Variants in MTMR8 observed in about 807,000 individuals in gnomAD.
MTMR8 encodes myotubularin related protein 8.
In MTMR8, 65 loss-of-function variants were observed where a neutral mutation model predicts 39.3. That is an observed-to-expected ratio of 1.65 (90% CI 1.35 to 2.03). The LOEUF (loss-of-function observed/expected upper bound fraction) is 2.03, where lower values mean the gene tolerates loss of function less well. MTMR8 is among the 30% of genes most tolerant of loss of function. MTMR8 has a pLI of 0.00. For synonymous variants in MTMR8, 245 were observed against 185.2 expected (o/e 1.32, Z -2.62); for missense variants, 777 against 538.9 (o/e 1.44, Z -4.37).
Position 64,331,622 on chromosome X carries a change from G to A in MTMR8, c.1287C>T (p.Asp429=), listed in dbSNP as rs1242641943. The change falls in exon 11 of 14, where the codon GAC becomes GAT. Residue 429 remains aspartate (D), a synonymous_variant. Coordinates refer to ENST00000374852, the MANE Select transcript of MTMR8 (RefSeq NM_017677.4). ...FNENFLLEIH[D]HVFSCQFGNF... ...TTCCAAACTGGCAGGAGAAAACATG[G>A]TCATGAATCTCCAGCAGGAAGTTTT... 3 of 1,208,504 alleles carry A rather than the reference G, an allele frequency of 2.5e-6. No individual in the cohort carries two copies. The highest frequency in any genetic ancestry group is 1.8e-5 in the African/African-American group (1 of 57,001).
intron 2 of MTMR8, among the ~76,000 whole-genome samples, chrX:64,358,438 C>T (rs1923684161): frequency 8.9e-6 from 1 of 112,109 alleles, no homozygotes; most frequent in Admixed American, 9.4e-5. Flanking sequence ...ATGTTCCAGG[C>T]ATTGTTGTAA....
intron 11 of MTMR8, among the ~76,000 whole-genome samples, chrX:64,330,289 G>A (rs973759209): frequency 2.7e-5 from 3 of 111,716 alleles, no homozygotes; most frequent in African/African-American, 6.5e-5. Flanking sequence ...AATTTGGGGA[G>A]AAAGTGACAA....
intron 1 of MTMR8, among the ~76,000 whole-genome samples, chrX:64,376,884 G>A (rs1043739583): frequency 3.6e-5 from 4 of 112,112 alleles, no homozygotes; most frequent in Non-Finnish European, 7.5e-5. Flanking sequence ...TCAAGGTTTT[G>A]TGGTCTGGGC....
intron 4 of MTMR8, among the ~76,000 whole-genome samples, chrX:64,353,786 G>A (rs759762046): frequency 6.7e-4 from 74 of 110,216 alleles, no homozygotes; most frequent in African/African-American, 2.5e-3. Context: ...AATTCGCCAG[G>A]CATGGGTGTG....
rs748304874 is a variant in MTMR8, at chrX:64,280,622, CT to C, written c.1482-9550del. On this transcript the variant is annotated intron_variant, in intron 12 of 13. Transcript: ENST00000374852. ...AATGGGCAAAAGCTGGAAGCATTCCCTTTGAATATAGGCACAAGACAAGGAT... is the reference window on the plus strand; with the variant it reads ...AATGGGCAAAAGCTGGAAGCATTCCCTTGAATATAGGCACAAGACAAGGAT... Among the ~76,000 whole-genome samples, 24 of 111,559 alleles carry C rather than the reference CT, an allele frequency of 2.2e-4. No individual in the cohort carries two copies. The East Asian group carries it at 5.1e-3, about 24-fold the overall frequency.
intron 1 of MTMR8, among the ~76,000 whole-genome samples, chrX:64,394,307 G>A (rs1056959501): frequency 3.6e-5 from 4 of 111,814 alleles, no homozygotes; most frequent in Non-Finnish European, 5.6e-5. Flanking sequence ...GGGACACAGA[G>A]AAAAACCCTA....
At chrX:64,331,140 A>C (rs753107738) in intron 11 of MTMR8, among the ~76,000 whole-genome samples, 1 of 111,979 alleles carries the variant, frequency 8.9e-6, no homozygotes, top group South Asian at 3.8e-4. Context: ...GCAACGAATT[A>C]GGAGTTTTAA....
At chrX:64,323,726 A>G (rs143658793) in intron 12 of MTMR8, among the ~76,000 whole-genome samples, 2,075 of 112,287 alleles carry the variant, frequency 0.018, 59 homozygotes, top group African/African-American at 0.065. Context: ...TTTTTACCAC[A>G]ATGGTATAAA....
chrX:64,298,715 T>C (rs1429270157), intron 12 of MTMR8, among the ~76,000 whole-genome samples: 1 of 82,986 alleles, frequency 1.2e-5, no homozygotes, highest in Non-Finnish European at 2.0e-5. Context: ...GGCTGTGGGT[T>C]TGTCATAGAT....
At chrX:64,307,765 G>A (rs1361385517) in intron 12 of MTMR8, among the ~76,000 whole-genome samples, 3 of 111,970 alleles carry the variant, frequency 2.7e-5, no homozygotes, top group African/African-American at 6.5e-5. Context: ...GAAATGTATT[G>A]TAATTGCATA....
intron 12 of MTMR8, among the ~76,000 whole-genome samples, chrX:64,287,168 TAACA>T (rs1431995837): frequency 7.2e-5 from 8 of 110,570 alleles, no homozygotes; most frequent in South Asian, 3.8e-4. Flanking sequence ...TATACACCAA[TAACA>T]AACAAACAGA....
intron 12 of MTMR8, among the ~76,000 whole-genome samples, chrX:64,326,289 G>T (rs908352983): frequency 2.7e-5 from 3 of 110,771 alleles, no homozygotes; most frequent in African/African-American, 6.6e-5. Flanking sequence ...TTGTTTAAGG[G>T]TCCACCATAT....
intron 1 of MTMR8, among the ~76,000 whole-genome samples, chrX:64,374,533 A>G (rs1569231482): frequency 8.9e-6 from 1 of 111,771 alleles, no homozygotes; most frequent in Admixed American, 9.5e-5. Flanking sequence ...AGTGCTCACA[A>G]ATCAGGCAAG....
chrX:64,308,096 A>G (rs975436146), intron 12 of MTMR8, among the ~76,000 whole-genome samples: 5 of 111,550 alleles, frequency 4.5e-5, no homozygotes, highest in Non-Finnish European at 9.4e-5. Context: ...GCACATGTAT[A>G]CATATGTAAC....
intron 11 of MTMR8, among the ~76,000 whole-genome samples, chrX:64,329,829 C>T (rs773485002): frequency 8.1e-5 from 9 of 111,533 alleles, no homozygotes; most frequent in Non-Finnish European, 1.5e-4. Context: ...AAAAATATTG[C>T]GTTGGTAAGG....
At chrX:64,356,040 G>T in intron 3 of MTMR8, 136 bp downstream of exon 3, 1 of 571,108 alleles carries the variant, frequency 1.8e-6, no homozygotes. Context: ...TATATAACTT[G>T]CCCAAATATA....
intron 12 of MTMR8, among the ~76,000 whole-genome samples, chrX:64,283,140 T>C (rs902568426): frequency 3.4e-4 from 38 of 112,003 alleles, no homozygotes; most frequent in African/African-American, 1.2e-3. Flanking sequence ...ACTGCGCTTT[T>C]CCAATGGTCA....
chrX:64,303,845 G>T (rs1415495371), intron 12 of MTMR8, among the ~76,000 whole-genome samples: 1 of 111,515 alleles, frequency 9.0e-6, no homozygotes, highest in East Asian at 2.8e-4. Flanking sequence ...TTCTCTACAG[G>T]ACCCAACAAA....
intron 12 of MTMR8, among the ~76,000 whole-genome samples, chrX:64,285,624 T>A (rs1921138164): frequency 1.8e-5 from 2 of 111,875 alleles, no homozygotes; most frequent in Non-Finnish European, 3.8e-5. Context: ...ACAAATTTTG[T>A]CTCTCAGACC....
Sources: gnomAD v4.1 joint callset for allele counts (sites outside exome capture counted in the v4.1 genomes callset) on GRCh38, gnomAD v4.1.1 for gene constraint, MANE v1.5 for transcripts, NCBI Gene and HGNC (gene_info 2026-07-23, HGNC 2026-07-21) for gene names.